Variants in ADAMTS8 observed in about 807,000 individuals in gnomAD.
The protein encoded by ADAMTS8 is A disintegrin and metalloproteinase with thrombospondin motifs 8.
A neutral mutation model predicts 64.4 loss-of-function variants in ADAMTS8; 50 were observed. The observed-to-expected ratio is 0.78, with a 90% confidence interval of 0.62 to 0.98. The LOEUF (loss-of-function observed/expected upper bound fraction) is 0.98. Ranked by LOEUF, ADAMTS8 falls within the 50% of genes least tolerant of loss-of-function variation. ADAMTS8 has a pLI of 0.00. For missense variants in ADAMTS8, 1,192 were observed against 1,208.2 expected (o/e 0.99, Z 0.20); for synonymous variants, 556 against 533.6 (o/e 1.04, Z -0.58).
intron 8 of ADAMTS8, 21 bp from the exon 9 acceptor site, chr11:130,406,149 C>T (rs779124286): frequency 2.5e-6 from 4 of 1,594,232 alleles, no homozygotes; most frequent in Non-Finnish European, 3.4e-6. Context: ...AACAGAAGGA[C>T]ACCCTTAGAC....
At chr11:130,415,993 G>A (rs1019542225) in intron 4 of ADAMTS8, among the ~76,000 whole-genome samples, 170 bp downstream of exon 4, 2 of 152,196 alleles carry the variant, frequency 1.3e-5, no homozygotes, top group African/African-American at 4.8e-5. Flanking sequence ...CTGGAAGATG[G>A]GGCCAGAAGA....
chr11:130,427,053 A>G (rs1408452955), intron 1 of ADAMTS8, among the ~76,000 whole-genome samples: 3 of 152,188 alleles, frequency 2.0e-5, no homozygotes, highest in Non-Finnish European at 2.9e-5. Flanking sequence ...CTTTCAAACA[A>G]TGTCTTTTGC....
Position 130,416,384 on chromosome 11 carries a change from C to T in ADAMTS8, c.1097-54G>A. On this transcript the variant is annotated intron_variant, in intron 3 of 8. Coordinates refer to ENST00000257359, the MANE Select transcript of ADAMTS8 (RefSeq NM_007037.6). The surrounding 1 kb of genome is among the most constrained non-coding windows in gnomAD (Gnocchi z 4.8). ...CCTGTCCTGCCTGAGGGCGCCCCAC[C>T]TGGCCCAGCTAGGGACAGAGATGGA... The T allele has an allele frequency of 1.3e-6, 2 of 1,489,976 alleles. No individual in the cohort carries two copies. Among genetic ancestry groups the T allele is most frequent in the South Asian group, 2.6e-5 (2 of 77,566 alleles). The allele number at this position is 1,489,976 out of a possible 1,614,324, so 92.3% of individuals were successfully genotyped here.
At chr11:130,413,905 C>T (rs1861984554) in intron 5 of ADAMTS8, among the ~76,000 whole-genome samples, 1 of 152,140 alleles carries the variant, frequency 6.6e-6, no homozygotes, top group African/African-American at 2.4e-5. Context: ...ACCTTCCTGT[C>T]TCCACCCCGC....
rs1288877357 is a variant in ADAMTS8, at chr11:130,418,009, A to G, written c.961-934T>C. ...TGAAACCCCATTCCTACAAAAAGCA[A>G]AAAAAAAAAAAAAAAAAAAAATTTA... On this transcript the variant is annotated intron_variant, in intron 2 of 8. Transcript: ENST00000257359. Among the ~76,000 whole-genome samples, 14 of 48,548 alleles carry G rather than the reference A, an allele frequency of 2.9e-4. No individual in the cohort carries two copies. The East Asian group carries it at 0.012, about 43-fold the overall frequency. The allele number at this position is 48,548 out of a possible 152,430, so 31.8% of individuals were successfully genotyped here. A position where few individuals can be genotyped will look rare whatever the true frequency, so the allele number is the denominator to read the frequency against.
At chr11:130,406,530 CA>C (rs1156785454) in intron 8 of ADAMTS8, among the ~76,000 whole-genome samples, 1 of 152,192 alleles carries the variant, frequency 6.6e-6, no homozygotes, top group African/African-American at 2.4e-5. Context: ...TGGCCACCTC[CA>C]TACCCAGAGC....
At chr11:130,420,912 G>A (rs553723235) in intron 1 of ADAMTS8, among the ~76,000 whole-genome samples, 16 of 152,184 alleles carry the variant, frequency 1.1e-4, no homozygotes, top group African/African-American at 2.9e-4. Flanking sequence ...ACTCCTGGCC[G>A]GGTCTTTGCT....
Position 130,416,173 on chromosome 11 carries a change from G to A in ADAMTS8, c.1254C>T (p.Asp418=), listed in dbSNP as rs368271442. 2.6e-5 allele frequency: 41 copies of A among 1,586,252 alleles called. No homozygotes were observed. The highest frequency in any genetic ancestry group is 2.6e-4 in the African/African-American group (19 of 74,436). Residue 418 remains aspartate (D), a synonymous_variant, in exon 4 of 9, where the codon GAC becomes GAT. Transcript: ENST00000257359. The surrounding 1 kb of genome is among the most constrained non-coding windows in gnomAD (Gnocchi z 4.8). ...CSAMYLTELL[D]GGHGDCLLDA... ...GCCGCCGGTGCCTACCGTGCCCGCC[G>A]TCCAGAAGCTCTGTGAGATACATGG...
Position 130,428,271 on chromosome 11 carries a change from C to T in ADAMTS8, c.16G>A (p.Ala6Thr), listed in dbSNP as rs982812112. The change falls in exon 1 of 9, where the codon GCC becomes ACC. Residue 6 changes from alanine (A) to threonine (T), a missense_variant. Physicochemically the swap from Ala to Thr is moderately conservative, Grantham distance 58. Around this residue, in one of 5 missense-constraint regions of ADAMTS8, gnomAD observed 741 missense variants for 710.6 expected, o/e 1.04. Transcript: ENST00000257359. ...AGGAGCGGAGGCCACCGGGGGGCGGCGGGGGCGGGGAGCATGGGGGCTGCG... is the reference window on the plus strand; with the variant it reads ...AGGAGCGGAGGCCACCGGGGGGCGGTGGGGGCGGGGAGCATGGGGGCTGCG... MLPAPAAPRWPPLLLL... is the reference protein window; with the variant it reads MLPAPTAPRWPPLLLL... The T allele has an allele frequency of 4.2e-6, 5 of 1,192,898 alleles. No homozygotes were observed. In the East Asian group the frequency reaches 1.2e-4, roughly 28 times the overall value. The allele number at this position is 1,192,898 out of a possible 1,614,324, so 73.9% of individuals were successfully genotyped here. A position where few individuals can be genotyped will look rare whatever the true frequency, so the allele number is the denominator to read the frequency against.
chr11:130,420,994 C>G (rs996172721), intron 1 of ADAMTS8, among the ~76,000 whole-genome samples: 5 of 152,160 alleles, frequency 3.3e-5, no homozygotes, highest in African/African-American at 1.2e-4. Flanking sequence ...GGACCAACCC[C>G]TGGAATTTCT....
rs192569329 is a variant in ADAMTS8 at position 130,424,383 on chromosome 11, G to A, written c.720+3184C>T. Among the ~76,000 whole-genome samples, 1,118 of 152,332 alleles carry A rather than the reference G, an allele frequency of 7.3e-3. 14 individuals carry two copies. The highest frequency in any genetic ancestry group is 0.031 in the Admixed American group (472 of 15,300). On this transcript the variant is annotated intron_variant, in intron 1 of 8. Coordinates refer to ENST00000257359, the MANE Select transcript of ADAMTS8 (RefSeq NM_007037.6). ...GAGGTGATGTGTGTAAAACCACGCT[G>A]TGAATTGAACACGCTCAGAGAGTGG...
rs1207849743 is a variant in ADAMTS8, at chr11:130,428,413, G to A, written c.-127C>T. 2 of 1,105,714 alleles carry A rather than the reference G, an allele frequency of 1.8e-6. No homozygotes were observed. Among genetic ancestry groups the A allele is most frequent in the Non-Finnish European group, 1.1e-6 (1 of 906,230 alleles). 68.5% of individuals were successfully genotyped at this position (1,105,714 alleles called of 1,614,324 possible). Reference sequence around the variant, plus strand: ...AGCGGAATCAATCGGGTGCAAGGCCGACTCGGCCCGCGGGGCCCGGCGGCG... The same window carrying A: ...AGCGGAATCAATCGGGTGCAAGGCCAACTCGGCCCGCGGGGCCCGGCGGCG... On this transcript the variant is annotated 5_prime_UTR_variant, in exon 1 of 9. Coordinates refer to ENST00000257359, the MANE Select transcript of ADAMTS8 (RefSeq NM_007037.6).
intron 1 of ADAMTS8, among the ~76,000 whole-genome samples, chr11:130,423,945 T>G (rs544795447): frequency 3.9e-5 from 6 of 152,300 alleles, no homozygotes; most frequent in African/African-American, 1.2e-4. Context: ...GGGGCCCCTT[T>G]TCTCATGGGA....
In ADAMTS8 at chr11:130,427,847, G is replaced by A. The variant is rs1448669717; in HGVS notation, c.440C>T (p.Pro147Leu). ...PQGAGGSLAQ[P>L]HRLQRWGPAG... is the part of the protein sequence containing the mutation. ...GGGACCCCAGCGCTGCAGGCGGTGC[G>A]GCTGAGCCAGGGAGCCCCCCGCGCC... The change falls in exon 1 of 9, where the codon CCG becomes CTG. Residue 147 changes from proline (P) to leucine (L), a missense_variant. This residue lies in a region of ADAMTS8 where 741 missense variants were observed against 710.6 expected (regional missense o/e 1.04). Coordinates refer to ENST00000257359, the MANE Select transcript of ADAMTS8 (RefSeq NM_007037.6). 2 of 1,540,190 alleles carry A rather than the reference G, an allele frequency of 1.3e-6. No homozygotes were observed. The highest frequency in any genetic ancestry group is 2.4e-5 in the East Asian group (1 of 41,002).
rs528900191 is a variant in ADAMTS8, at chr11:130,416,575, G to C, written c.1097-245C>G. Among the ~76,000 whole-genome samples the C allele has an allele frequency of 2.4e-4, 37 of 152,286 alleles. No homozygotes were observed. Among genetic ancestry groups the C allele is most frequent in the South Asian group, 1.4e-3 (7 of 4,828 alleles). ...GAATTTGGATCTAGCTCTGTTATTT[G>C]CCCTCTCACATGACAGTCCCTGGAC... On this transcript the variant is annotated intron_variant, in intron 3 of 8. Coordinates refer to ENST00000257359, the MANE Select transcript of ADAMTS8 (RefSeq NM_007037.6). The surrounding 1 kb of genome is among the most constrained non-coding windows in gnomAD (Gnocchi z 4.8).
intron 1 of ADAMTS8, among the ~76,000 whole-genome samples, chr11:130,425,890 C>T (rs1395661015): frequency 6.6e-6 from 1 of 152,100 alleles, no homozygotes; most frequent in African/African-American, 2.4e-5. Flanking sequence ...CTTGAGCCAC[C>T]GTGCCCGGCC....
intron 1 of ADAMTS8, among the ~76,000 whole-genome samples, chr11:130,422,187 C>A (rs1432472444): frequency 4.6e-5 from 7 of 152,116 alleles, no homozygotes; most frequent in Non-Finnish European, 1.0e-4. Context: ...TGTCTGTAAC[C>A]CCAGCACTTT....
At chr11:130,418,152 G>T (rs1029994714) in intron 2 of ADAMTS8, among the ~76,000 whole-genome samples, 2 of 152,228 alleles carry the variant, frequency 1.3e-5, no homozygotes, top group African/African-American at 4.8e-5. Context: ...TTGAACTCCA[G>T]CCTGGGTGAC....
In ADAMTS8 at chr11:130,408,446, ACTT is replaced by A. The variant is rs753155057; in HGVS notation, c.2099+15_2099+17del. ...GCTCTTCTACCAAGCAAGGTACAGA[ACTT>A]CTGGGGAGACTCACTTGGTGGGGGT... On this transcript the variant is annotated intron_variant, in intron 8 of 8. Coordinates refer to ENST00000257359, the MANE Select transcript of ADAMTS8 (RefSeq NM_007037.6). The A allele has an allele frequency of 3.1e-6, 5 of 1,612,764 alleles. No homozygotes were observed. The South Asian group carries it at 5.5e-5, about 18-fold the overall frequency.
Sources: gnomAD v4.1 joint callset for allele counts (sites outside exome capture counted in the v4.1 genomes callset) on GRCh38, gnomAD v4.1.1 for gene constraint, gnomAD v4.1.1 regional missense constraint, Gnocchi (gnomAD v3.1) non-coding constraint, MANE v1.5 for transcripts, NCBI Gene and HGNC (gene_info 2026-07-23, HGNC 2026-07-21) for gene names.